The following LMNA variants were observed in gnomAD, a reference collection of about 807,000 sequenced individuals.
LMNA encodes lamin A/C.
In LMNA, 20 loss-of-function variants were observed where a neutral mutation model predicts 70.4. The observed-to-expected ratio is 0.28, with a 90% CI of 0.20 to 0.41. The LOEUF is 0.41. Among genes scored for constraint, LMNA ranks in the 10% least tolerant of loss-of-function variants. The pLI is 1.00. For synonymous variants in LMNA, 339 were observed against 372.8 expected (o/e 0.91, Z 1.04); for missense variants, 652 against 917.2 (o/e 0.71, Z 3.73).
rs1250411294 is a variant in LMNA, at chr1:156,139,227, G to T, written c.*121G>T. 5.4e-6 allele frequency: 8 copies of T among 1,486,988 alleles called. No homozygotes were observed. Among genetic ancestry groups the T allele is most frequent in the Non-Finnish European group, 6.2e-6 (7 of 1,124,574 alleles). 92.1% of individuals were successfully genotyped at this position (1,486,988 alleles called of 1,614,324 possible). A position where few individuals can be genotyped will look rare whatever the true frequency, so the allele number is the denominator to read the frequency against. On this transcript the variant is annotated 3_prime_UTR_variant, in exon 12 of 12. Transcript: ENST00000368300. The stretch of plus-strand genomic sequence containing the variant: ...GAAGCCAAAGAAAAATAACCCTTTG[G>T]TTTTTTTCTTCTGTATTTTTTTTTC...
chr1:156,108,810 C>A (rs1649438950), intron 3 of LMNA, among the ~76,000 whole-genome samples: 1 of 151,782 alleles, frequency 6.6e-6, no homozygotes, highest in African/African-American at 2.4e-5. Flanking sequence ...TGACCTTAGA[C>A]AAGTGATTCT....
chr1:156,096,608 A>C (rs1648947208), intron 3 of LMNA, among the ~76,000 whole-genome samples: 1 of 152,252 alleles, frequency 6.6e-6, no homozygotes, highest in African/African-American at 2.4e-5. Context: ...TAATTACTTT[A>C]TCCATGAAGA....
intron 1 of LMNA, among the ~76,000 whole-genome samples, chr1:156,120,872 AC>A (rs1166784785): frequency 2.6e-5 from 4 of 151,840 alleles, no homozygotes; most frequent in African/African-American, 9.7e-5. Flanking sequence ...TTGTCTTGAG[AC>A]TATCTTGAGA....
intron 3 of LMNA, among the ~76,000 whole-genome samples, chr1:156,101,739 T>G (rs1342982826): frequency 6.6e-6 from 1 of 152,024 alleles, no homozygotes; most frequent in Non-Finnish European, 1.5e-5. Flanking sequence ...GCAGAGAGAC[T>G]GGTTGTGAGG....
At chr1:156,098,788 C>A (rs969228755) in intron 3 of LMNA, among the ~76,000 whole-genome samples, 1 of 152,150 alleles carries the variant, frequency 6.6e-6, no homozygotes. Context: ...AGCTACCCTG[C>A]AGTGCAAAGG....
Position 156,087,313 on chromosome 1 carries a change from G to A in LMNA, c.-318-3158G>A, listed in dbSNP as rs184968801. ...GGCTGGAGTGCAGTGGCGCCATCTC[G>A]GCTCACTGCAACCTCCGCCTCCCAG... On this transcript the variant is annotated intron_variant, in intron 2 of 12. Coordinates refer to the LMNA transcript ENST00000368301. 8.6e-3 allele frequency among the ~76,000 whole-genome samples: 1,293 copies of A among 150,274 alleles called. 18 individuals are homozygous for A. The highest frequency in any genetic ancestry group is 0.03 in the African/African-American group (1,240 of 40,810).
rs1373729768 is a variant in LMNA, at chr1:156,136,678, T to C, written c.1380+242T>C. The C allele has an allele frequency of 7.5e-6, 5 of 667,718 alleles. No individual in the cohort carries two copies. The highest frequency in any genetic ancestry group is 1.3e-5 in the Non-Finnish European group (5 of 373,178). 41.4% of individuals were successfully genotyped at this position (667,718 alleles called of 1,614,324 possible). A position where few individuals can be genotyped will look rare whatever the true frequency, so the allele number is the denominator to read the frequency against. On this transcript the variant is annotated intron_variant, in intron 7 of 11. Transcript: ENST00000368300. The surrounding 1 kb of genome is among the most constrained non-coding windows in gnomAD (Gnocchi z 6.1). ...TCCTCATCTGTAAAATGGGGATGAA[T>C]ACTGATCCCTAAGTCTTTGAGTTGT... is the stretch of plus-strand genomic sequence containing the variant.
intron 3 of LMNA, among the ~76,000 whole-genome samples, chr1:156,098,482 C>A (rs529254233): frequency 6.6e-6 from 1 of 152,228 alleles, no homozygotes; most frequent in South Asian, 2.1e-4. Flanking sequence ...AAAGAAGGTA[C>A]GCAACTCATG....
At chr1:156,114,319 C>T (rs1414872024), upstream of LMNA, among the ~76,000 whole-genome samples, 2 of 152,094 alleles carry the variant, frequency 1.3e-5, no homozygotes, top group African/African-American at 2.4e-5. Context: ...CCTCAGCCCT[C>T]CCCCCACTTT....
intron 3 of LMNA, among the ~76,000 whole-genome samples, chr1:156,094,878 G>C (rs1648863269): frequency 1.3e-5 from 2 of 151,716 alleles, no homozygotes; most frequent in Non-Finnish European, 2.9e-5. Context: ...TCCTGCCTCA[G>C]CCTCCCAAGT....
exon 3 of LMNA, chr1:156,090,528 A>G (rs185543998): frequency 2.0e-5 from 3 of 152,322 alleles, no homozygotes; most frequent in Non-Finnish European, 1.5e-5. Context: ...TCTGCTTCAC[A>G]TGAAGGGACC....
At chr1:156,132,837 C>CTTTTTT (rs34451254) in intron 2 of LMNA, among the ~76,000 whole-genome samples, 1 of 93,078 alleles carries the variant, frequency 1.1e-5, no homozygotes, top group African/African-American at 4.3e-5. Context: ...CTCTCTCTCT[C>CTTTTTT]TTTTTTTTTT....
chr1:156,112,959 C>T (rs1388273801), upstream of LMNA, among the ~76,000 whole-genome samples: 1 of 152,066 alleles, frequency 6.6e-6, no homozygotes, highest in African/African-American at 2.4e-5. Flanking sequence ...GCAGGGCATG[C>T]AGGCAGATGG....
At chr1:156,087,607 G>A (rs1324380248) in intron 2 of LMNA, among the ~76,000 whole-genome samples, 6 of 152,010 alleles carry the variant, frequency 3.9e-5, no homozygotes, top group Non-Finnish European at 4.4e-5. Flanking sequence ...AGACTGGAAT[G>A]CAGTGGCTTG....
At chr1:156,126,563 C>T (rs993590273) in intron 1 of LMNA, 12 of 786,866 alleles carry the variant, frequency 1.5e-5, no homozygotes, top group African/African-American at 1.5e-4. Context: ...CCAAACAGCC[C>T]CAAGGGCCCG....
At position 156,137,224 on chromosome 1, in the gene LMNA, A is replaced by T. The variant is rs1311820114; in HGVS notation, c.1600A>T (p.Thr534Ser). The T allele has an allele frequency of 1.9e-6, 3 of 1,584,576 alleles. No individual in the cohort carries two copies. The highest frequency in any genetic ancestry group is 8.6e-7 in the Non-Finnish European group (1 of 1,167,634). Residue 534 changes from threonine to serine, a missense_variant, in exon 9 of 12, where the codon ACT becomes TCT. Physicochemically the swap from Thr to Ser is moderately conservative, Grantham distance 58 (BLOSUM62 1). Coordinates refer to ENST00000368300, the MANE Select transcript of LMNA (RefSeq NM_170707.4). This position sits in a 1 kb window ranked among gnomAD's most constrained non-coding sequence, Gnocchi z 4.6. ...NSLRTALINS[T>S]GEEVAMRKLV... is the part of the protein sequence containing the mutation. ...CCTGCGTACGGCTCTCATCAACTCC[A>T]CTGGGGAAGTAAGTAGGCCTGGGCC... is the stretch of plus-strand genomic sequence containing the variant.
In LMNA at chr1:156,140,021, C is replaced by T. The variant is rs15292; in HGVS notation, c.*915C>T. ...TTGGCAAACGCTAAAGAGCCCTTGCCTCCCCATTTCCCATCTGCACCCCTT... is the reference window on the plus strand; with the variant it reads ...TTGGCAAACGCTAAAGAGCCCTTGCTTCCCCATTTCCCATCTGCACCCCTT... On this transcript the variant is annotated 3_prime_UTR_variant, in exon 12 of 12. Coordinates refer to ENST00000368300, the MANE Select transcript of LMNA (RefSeq NM_170707.4). The T allele has an allele frequency of 9.2e-4, 504 of 547,626 alleles. 3 individuals are homozygous for T. Among genetic ancestry groups the T allele is most frequent in the African/African-American group, 9.1e-3 (457 of 50,344 alleles). The allele number at this position is 547,626 out of a possible 1,614,324, so 33.9% of individuals were successfully genotyped here.
chr1:156,125,468 A>G (rs1471993378), intron 1 of LMNA, among the ~76,000 whole-genome samples: 1 of 152,036 alleles, frequency 6.6e-6, no homozygotes, highest in Non-Finnish European at 1.5e-5. Flanking sequence ...CAGGAGGATC[A>G]CGTGAGGTCA....
chr1:156,095,801 G>T (rs944408715), intron 3 of LMNA, among the ~76,000 whole-genome samples: 3 of 152,196 alleles, frequency 2.0e-5, no homozygotes, highest in Non-Finnish European at 2.9e-5. Flanking sequence ...CCAGAACCTG[G>T]AGAGTTACAC....
Sources: allele counts gnomAD v4.1 joint callset (sites outside exome capture counted in the v4.1 genomes callset), GRCh38; gene constraint gnomAD v4.1.1; non-coding constraint Gnocchi (gnomAD v3.1); transcripts MANE v1.5; gene names NCBI Gene and HGNC (gene_info 2026-07-23, HGNC 2026-07-21).